The following RTL4 variants were observed in gnomAD, a reference collection of about 807,000 sequenced individuals.
RTL4 encodes retrotransposon Gag like 4, also known as retrotransposon Gag-like protein 4.
In RTL4, 4 loss-of-function variants were observed where a neutral mutation model predicts 5.3. That is an observed-to-expected ratio of 0.75 (90% confidence interval 0.37 to 1.72). The LOEUF (loss-of-function observed/expected upper bound fraction) is 1.72, where lower values mean the gene tolerates loss of function less well. Among genes scored for constraint, RTL4 ranks in the 40% most tolerant of loss-of-function variants. The probability of loss-of-function intolerance (pLI) is 0.04; values close to 1 mark genes in which losing one functional copy is unlikely to be tolerated. For missense variants in RTL4, 260 were observed against 227.1 expected, an observed-to-expected ratio of 1.14 and a Z score of -0.93; for synonymous variants, 98 against 87.3, an observed-to-expected ratio of 1.12 and a Z score of -0.68.
At chrX:112,270,664 C>CT in the RTL4 span, among the ~76,000 whole-genome samples, 1 of 111,108 alleles carries the variant, frequency 9.0e-6, no homozygotes, top group South Asian at 3.8e-4. Flanking sequence ...AGCTAGCAGA[C>CT]AGCCCTGTGG....
chrX:112,320,840 C>A, the RTL4 span, among the ~76,000 whole-genome samples: 3 of 111,745 alleles, frequency 2.7e-5, no homozygotes, highest in Admixed American at 1.9e-4. Context: ...AAAATTAAAT[C>A]TCACATGTAC....
the RTL4 span, among the ~76,000 whole-genome samples, chrX:112,390,321 G>A: frequency 1.0e-5 from 1 of 100,369 alleles, no homozygotes; most frequent in Non-Finnish European, 2.0e-5. Context: ...GCATGGTGGT[G>A]CACTCCTGTA....
At chrX:112,436,269 C>A in the RTL4 span, among the ~76,000 whole-genome samples, 257 of 110,558 alleles carry the variant, frequency 2.3e-3, 1 homozygote, top group African/African-American at 8.3e-3. Flanking sequence ...TCCTAACGAA[C>A]TTTGTTTCAT....
At chrX:112,417,900 C>A in the RTL4 span, among the ~76,000 whole-genome samples, 6 of 111,972 alleles carry the variant, frequency 5.4e-5, no homozygotes, top group African/African-American at 1.9e-4. Flanking sequence ...GTAATCCCAG[C>A]ACTTTAGGAG....
chrX:112,248,725 G>A, the RTL4 span, among the ~76,000 whole-genome samples: 1 of 111,829 alleles, frequency 8.9e-6, no homozygotes, highest in Non-Finnish European at 1.9e-5. Context: ...GTCCCATGGT[G>A]GTTTGTCCTT....
chrX:112,357,110 G>T, the RTL4 span, among the ~76,000 whole-genome samples: 1 of 111,212 alleles, frequency 9.0e-6, no homozygotes, highest in Admixed American at 9.6e-5. Flanking sequence ...CTGGAACAGA[G>T]AATTCAAATG....
the RTL4 span, among the ~76,000 whole-genome samples, chrX:112,290,527 T>C: frequency 2.7e-5 from 3 of 112,065 alleles, no homozygotes; most frequent in Non-Finnish European, 3.8e-5. Flanking sequence ...GTAATGCTAA[T>C]GCTTTTCATG....
the RTL4 span, among the ~76,000 whole-genome samples, chrX:112,100,947 G>A: frequency 8.9e-6 from 1 of 111,783 alleles, no homozygotes; most frequent in Non-Finnish European, 1.9e-5. Context: ...AGCAGCTTCT[G>A]CCTTACAACT....
the RTL4 span, among the ~76,000 whole-genome samples, chrX:112,185,018 T>G: frequency 1.8e-5 from 2 of 111,386 alleles, no homozygotes; most frequent in Non-Finnish European, 3.8e-5. Context: ...CCTAGCAGAT[T>G]AGAAGGAGTC....
chrX:112,318,051 G>A, the RTL4 span, among the ~76,000 whole-genome samples: 1 of 111,897 alleles, frequency 8.9e-6, no homozygotes, highest in South Asian at 3.7e-4. Context: ...ATTGATCATC[G>A]TGTGTGTGTC....
the RTL4 span, among the ~76,000 whole-genome samples, chrX:112,331,780 T>C: frequency 1.1e-5 from 1 of 91,711 alleles, no homozygotes; most frequent in Non-Finnish European, 2.1e-5. Flanking sequence ...AATGATAGAC[T>C]GGATTAAGAA....
chrX:112,161,852 T>C, the RTL4 span, among the ~76,000 whole-genome samples: 6 of 41,876 alleles, frequency 1.4e-4, no homozygotes, highest in African/African-American at 4.6e-4. Context: ...TTCCTTTCTT[T>C]CTTTCTTTCT....
At chrX:112,442,515 C>T in the RTL4 span, among the ~76,000 whole-genome samples, 2 of 111,168 alleles carry the variant, frequency 1.8e-5, no homozygotes, top group Admixed American at 9.6e-5. Context: ...TCCCATAGTG[C>T]TGGGATTACT....
At chrX:112,158,583 T>G in the RTL4 span, among the ~76,000 whole-genome samples, 1 of 110,487 alleles carries the variant, frequency 9.1e-6, no homozygotes, top group Non-Finnish European at 1.9e-5. Context: ...ATATAATATT[T>G]TCCCAAACAT....
At chrX:112,427,204 A>G in the RTL4 span, among the ~76,000 whole-genome samples, 1 of 111,296 alleles carries the variant, frequency 9.0e-6, no homozygotes, top group Non-Finnish European at 1.9e-5. Flanking sequence ...AATATTAGGG[A>G]ACAAAATCCA....
chrX:112,206,466 C>T, the RTL4 span, among the ~76,000 whole-genome samples: 14 of 111,407 alleles, frequency 1.3e-4, no homozygotes, highest in African/African-American at 4.6e-4. Context: ...GAGGTAACCA[C>T]ACTCTCCTTC....
the RTL4 span, among the ~76,000 whole-genome samples, chrX:112,170,678 C>A: frequency 9.0e-6 from 1 of 111,663 alleles, no homozygotes; most frequent in Non-Finnish European, 1.9e-5. Context: ...GATACAGGAT[C>A]ATGTTATTTG....
At chrX:112,302,138 G>A in the RTL4 span, among the ~76,000 whole-genome samples, 1 of 109,251 alleles carries the variant, frequency 9.2e-6, no homozygotes, top group Non-Finnish European at 1.9e-5. Context: ...GCGGGCACCT[G>A]TAGTCCCAGC....
chrX:112,175,681 G>T, the RTL4 span, among the ~76,000 whole-genome samples: 3 of 111,181 alleles, frequency 2.7e-5, no homozygotes, highest in African/African-American at 6.5e-5. Context: ...ATTCAACAAC[G>T]CTTCATGCTA....
Sources: allele counts gnomAD v4.1 joint callset (sites outside exome capture counted in the v4.1 genomes callset), GRCh38; gene constraint gnomAD v4.1.1; transcripts MANE v1.5; gene names NCBI Gene and HGNC (gene_info 2026-07-23, HGNC 2026-07-21).